SEMA5A: variants seen among roughly 807,000 people sequenced by gnomAD.
SEMA5A encodes semaphorin 5A, also known as semaphorin-5A.
SEMA5A carries 55 observed loss-of-function variants against 135.5 expected under a neutral mutation model. The ratio of observed to expected loss-of-function variants is 0.41; its 90% CI spans 0.33 to 0.51. The LOEUF is 0.51. Ranked by LOEUF, SEMA5A falls within the 20% of genes least tolerant of loss-of-function variation. SEMA5A has a pLI of 0.37. For missense variants in SEMA5A, 1,290 were observed against 1,419.9 expected (o/e 0.91, Z 1.47); for synonymous variants, 580 against 546.5 (o/e 1.06, Z -0.85).
Position 9,204,842 on chromosome 5 carries a change from T to C in SEMA5A, c.647-2602A>G, listed in dbSNP as rs1651923527. ...CTCCTGAGCTCCGCCTCCCGTCAGA[T>C]CAGTGGCAGCATTAAATTCTCATAG... is the stretch of plus-strand genomic sequence containing the variant. On this transcript the variant is annotated intron_variant, in intron 8 of 22. Transcript: ENST00000382496. The surrounding 1 kb of genome is among the most constrained non-coding windows in gnomAD (Gnocchi z 6.4). Among the ~76,000 whole-genome samples, 1 of 152,118 alleles carries C rather than the reference T, an allele frequency of 6.6e-6. No homozygotes were observed. Among genetic ancestry groups the C allele is most frequent in the Non-Finnish European group, 1.5e-5 (1 of 68,034 alleles).
chr5:9,543,229 T>C (rs1032295580), intron 1 of SEMA5A, among the ~76,000 whole-genome samples: 2 of 152,202 alleles, frequency 1.3e-5, no homozygotes, highest in African/African-American at 2.4e-5. Context: ...TGGAACTAAA[T>C]TTCTTACTGC....
At chr5:9,544,893 G>A (rs1192311677) in intron 1 of SEMA5A, among the ~76,000 whole-genome samples, 3 of 152,168 alleles carry the variant, frequency 2.0e-5, no homozygotes, top group Non-Finnish European at 2.9e-5. Flanking sequence ...TCTGGAGCCC[G>A]ATCTGCCCGA....
chr5:9,189,853 A>G (rs1393117711), intron 11 of SEMA5A, among the ~76,000 whole-genome samples: 2 of 152,246 alleles, frequency 1.3e-5, no homozygotes, highest in Admixed American at 6.5e-5. Context: ...ATCCACGCAA[A>G]TATTTTGCTG....
intron 4 of SEMA5A, among the ~76,000 whole-genome samples, chr5:9,319,709 G>A (rs1206031965): frequency 4.6e-5 from 7 of 151,974 alleles, no homozygotes; most frequent in Admixed American, 2.6e-4. Context: ...ATGCAAATGA[G>A]CACGAGGTGG....
At chr5:9,056,519 C>T (rs1366940342) in intron 18 of SEMA5A, among the ~76,000 whole-genome samples, 7 of 152,126 alleles carry the variant, frequency 4.6e-5, no homozygotes, top group Non-Finnish European at 8.8e-5. Flanking sequence ...GCCAGGAGTT[C>T]GAGACCAGCC....
At chr5:9,051,748 A>ATGT in intron 20 of SEMA5A, 125 bp downstream of exon 20, 1 of 1,185,694 alleles carries the variant, frequency 8.4e-7, no homozygotes, top group Non-Finnish European at 1.2e-6. Context: ...CCTTGAAACC[A>ATGT]TGGGGCTTGA....
chr5:9,043,022 A>AAAT lies in SEMA5A; in HGVS notation c.3106-9_3106-7dup. ...AAGTTGTTTTTGTTAAATGCCTGGA[A>AAAT]AATATATTAAAAAAAAACAGGTTTA... On this transcript the variant is annotated splice_polypyrimidine_tract_variant and splice_region_variant and intron_variant, in intron 22 of 22. Coordinates refer to ENST00000382496, the MANE Select transcript of SEMA5A (RefSeq NM_003966.3). 6.7e-7 allele frequency: 1 copy of AAAT among 1,489,472 alleles called. No individual in the cohort carries two copies. Among genetic ancestry groups the AAAT allele is most frequent in the South Asian group, 1.2e-5 (1 of 85,288 alleles). The allele number at this position is 1,489,472 out of a possible 1,614,324, so 92.3% of individuals were successfully genotyped here. A position where few individuals can be genotyped will look rare whatever the true frequency, so the allele number is the denominator to read the frequency against.
At chr5:9,133,784 CT>C (rs35633508) in intron 13 of SEMA5A, among the ~76,000 whole-genome samples, 8,614 of 142,772 alleles carry the variant, frequency 0.06, 564 homozygotes, top group East Asian at 0.3. Context: ...TTCTTTCTTT[CT>C]TTTTTTTTTT....
chr5:9,064,812 T>C (rs1216239645), intron 17 of SEMA5A, among the ~76,000 whole-genome samples: 1 of 152,220 alleles, frequency 6.6e-6, no homozygotes, highest in African/African-American at 2.4e-5. Flanking sequence ...CTGAAAAGGA[T>C]TCATGGGATA....
chr5:9,298,697 G>A (rs1210270646), intron 5 of SEMA5A, among the ~76,000 whole-genome samples: 3 of 152,188 alleles, frequency 2.0e-5, no homozygotes, highest in Admixed American at 6.5e-5. Flanking sequence ...TTGACATAGA[G>A]TTTTGAATAA....
chr5:9,496,882 C>A (rs1183668473), intron 1 of SEMA5A, among the ~76,000 whole-genome samples: 1 of 152,186 alleles, frequency 6.6e-6, no homozygotes, highest in African/African-American at 2.4e-5. Flanking sequence ...ACCACACACA[C>A]AACCTGCTAC....
chr5:9,497,875 G>A (rs1460032163), intron 1 of SEMA5A, among the ~76,000 whole-genome samples: 1 of 152,138 alleles, frequency 6.6e-6, no homozygotes. Flanking sequence ...CTTGGCTACT[G>A]CTTAGAGGAA....
intron 5 of SEMA5A, among the ~76,000 whole-genome samples, chr5:9,245,944 C>A (rs1350446732): frequency 1.3e-5 from 2 of 152,018 alleles, no homozygotes; most frequent in African/African-American, 4.8e-5. Flanking sequence ...TACTCCTGAA[C>A]ACGAATGAAC....
At chr5:9,244,887 A>C (rs191747411) in intron 5 of SEMA5A, among the ~76,000 whole-genome samples, 2 of 152,170 alleles carry the variant, frequency 1.3e-5, no homozygotes, top group African/African-American at 4.8e-5. Context: ...TTGCCCTGAC[A>C]CTGGGAAGAA....
chr5:9,303,598 TTC>T (rs1751721214), intron 5 of SEMA5A, among the ~76,000 whole-genome samples: 1 of 152,070 alleles, frequency 6.6e-6, no homozygotes, highest in Non-Finnish European at 1.5e-5. Flanking sequence ...AAGAGAGACT[TTC>T]GAATGTTCTC....
chr5:9,289,154 T>C (rs963667710), intron 5 of SEMA5A, among the ~76,000 whole-genome samples: 1 of 152,220 alleles, frequency 6.6e-6, no homozygotes, highest in East Asian at 1.9e-4. Flanking sequence ...TTCATTTATA[T>C]ATTATAAACA....
chr5:9,332,046 G>C (rs1753158874), intron 4 of SEMA5A, among the ~76,000 whole-genome samples: 1 of 152,114 alleles, frequency 6.6e-6, no homozygotes, highest in Admixed American at 6.5e-5. Context: ...ACTCACATTG[G>C]GTCAGGTGTG....
intron 3 of SEMA5A, among the ~76,000 whole-genome samples, chr5:9,357,863 G>A (rs753657048): frequency 6.6e-6 from 1 of 152,160 alleles, no homozygotes; most frequent in Non-Finnish European, 1.5e-5. Context: ...CGTACAGTAT[G>A]GATGAATAAC....
At chr5:9,221,026 T>C (rs904133825) in intron 8 of SEMA5A, among the ~76,000 whole-genome samples, 1 of 151,978 alleles carries the variant, frequency 6.6e-6, no homozygotes, top group Non-Finnish European at 1.5e-5. Flanking sequence ...TGAGAGAAAA[T>C]TGCCACTGCA....
Sources: gnomAD v4.1 joint callset for allele counts (sites outside exome capture counted in the v4.1 genomes callset) on GRCh38, gnomAD v4.1.1 for gene constraint, Gnocchi (gnomAD v3.1) non-coding constraint, MANE v1.5 for transcripts, NCBI Gene and HGNC (gene_info 2026-07-23, HGNC 2026-07-21) for gene names.